Variants in RPSA2 observed in about 807,000 individuals in gnomAD.
RPSA2 encodes the protein ribosomal protein SA 2, also known as small ribosomal subunit protein uS2B.
chr19:23,834,717 CATG>C, the RPSA2 span, among the ~76,000 whole-genome samples: 1 of 151,978 alleles, frequency 6.6e-6, no homozygotes, highest in Non-Finnish European at 1.5e-5. Flanking sequence ...TAAATACTAT[CATG>C]AATCCATTGA....
At chr19:23,773,743 T>A in the RPSA2 span, among the ~76,000 whole-genome samples, 46 of 152,204 alleles carry the variant, frequency 3.0e-4, 1 homozygote, top group Non-Finnish European at 1.2e-4. Context: ...GGTGAGTTGA[T>A]GACACTTAGA....
chr19:23,837,044 T>C, the RPSA2 span, among the ~76,000 whole-genome samples: 1 of 152,194 alleles, frequency 6.6e-6, no homozygotes, highest in Admixed American at 6.5e-5. Flanking sequence ...TTTTTGGTCA[T>C]GAAATTTTGG....
chr19:23,766,222 G>T, the RPSA2 span, among the ~76,000 whole-genome samples: 1 of 142,700 alleles, frequency 7.0e-6, no homozygotes, highest in Admixed American at 7.4e-5. Context: ...GTGCAGTCTC[G>T]GCTCACTACA....
the RPSA2 span, among the ~76,000 whole-genome samples, chr19:23,814,571 T>TA: frequency 1.2e-4 from 19 of 152,340 alleles, no homozygotes; most frequent in East Asian, 3.5e-3. Flanking sequence ...GAGGTCATAA[T>TA]AAAATTTTAA....
At chr19:23,843,628 G>A in the RPSA2 span, among the ~76,000 whole-genome samples, 1 of 152,136 alleles carries the variant, frequency 6.6e-6, no homozygotes, top group Non-Finnish European at 1.5e-5. Context: ...TCATTTGTTA[G>A]GTTTTCTTTT....
the RPSA2 span, among the ~76,000 whole-genome samples, chr19:23,805,148 C>T: frequency 6.7e-3 from 10 of 1,482 alleles, no homozygotes; most frequent in South Asian, 0.056. Flanking sequence ...CACACACACA[C>T]ACACACACAC....
the RPSA2 span, chr19:23,827,205 T>C: frequency 2.1e-6 from 2 of 941,806 alleles, no homozygotes; most frequent in East Asian, 5.1e-5. Flanking sequence ...GAGGAGGATG[T>C]CCTTAAGTTC....
chr19:23,825,884 C>G, the RPSA2 span, among the ~76,000 whole-genome samples: 1 of 152,068 alleles, frequency 6.6e-6, no homozygotes, highest in Non-Finnish European at 1.5e-5. Flanking sequence ...CCACCATGCT[C>G]AGCCCATAAA....
chr19:23,837,768 A>T, the RPSA2 span, among the ~76,000 whole-genome samples: 3 of 152,150 alleles, frequency 2.0e-5, no homozygotes, highest in Non-Finnish European at 4.4e-5. Context: ...GCTGTTGGTG[A>T]ATAGAAGAGC....
At chr19:23,804,319 A>AT in the RPSA2 span, among the ~76,000 whole-genome samples, 5 of 5,880 alleles carry the variant, frequency 8.5e-4, no homozygotes, top group Non-Finnish European at 2.9e-3. Context: ...CTTTTTGGAG[A>AT]CGAGTCTTGC....
chr19:23,795,965 A>G, the RPSA2 span, among the ~76,000 whole-genome samples: 1 of 152,110 alleles, frequency 6.6e-6, no homozygotes, highest in Non-Finnish European at 1.5e-5. Flanking sequence ...GGATTTTGCC[A>G]TGTCAGCCAG....
At chr19:23,764,355 C>G in the RPSA2 span, among the ~76,000 whole-genome samples, 1 of 152,238 alleles carries the variant, frequency 6.6e-6, no homozygotes, top group Admixed American at 6.5e-5. Flanking sequence ...AACTTCCTCT[C>G]TCCAATTTAC....
chr19:23,792,726 G>A, the RPSA2 span, among the ~76,000 whole-genome samples: 14 of 151,758 alleles, frequency 9.2e-5, no homozygotes, highest in Non-Finnish European at 1.6e-4. Flanking sequence ...TGTTGATCAG[G>A]CTAGTCTCAG....
chr19:23,802,989 TA>T, the RPSA2 span, among the ~76,000 whole-genome samples: 1 of 152,290 alleles, frequency 6.6e-6, no homozygotes, highest in South Asian at 2.1e-4. Context: ...AAAACTATTT[TA>T]GAAAACCTTA....
the RPSA2 span, among the ~76,000 whole-genome samples, chr19:23,862,896 CTTT>C: frequency 7.0e-6 from 1 of 142,736 alleles, no homozygotes. Context: ...TTCTTTCTTT[CTTT>C]TTTTTTTTTT....
the RPSA2 span, among the ~76,000 whole-genome samples, chr19:23,804,457 C>A: frequency 1.2e-4 from 1 of 8,590 alleles, no homozygotes; most frequent in Non-Finnish European, 7.5e-4. Flanking sequence ...CCACCACACC[C>A]GGCTAATTTT....
the RPSA2 span, chr19:23,832,553 A>G: frequency 1.1e-6 from 1 of 875,662 alleles, no homozygotes; most frequent in Non-Finnish European, 1.7e-6. Context: ...GAAACCCTAC[A>G]AATGTCAAGA....
chr19:23,857,401 G>T, the RPSA2 span, among the ~76,000 whole-genome samples: 2 of 151,714 alleles, frequency 1.3e-5, no homozygotes, highest in Non-Finnish European at 2.9e-5. Context: ...CGTGGCTCCA[G>T]CCGGTCCCTC....
the RPSA2 span, among the ~76,000 whole-genome samples, chr19:23,781,402 G>A: frequency 5.9e-5 from 9 of 152,214 alleles, no homozygotes; most frequent in African/African-American, 1.2e-4. Context: ...GCAGTGGTGT[G>A]ATCTTGGCTC....
Sources: gnomAD v4.1 joint callset for allele counts (sites outside exome capture counted in the v4.1 genomes callset) on GRCh38, gnomAD v4.1.1 for gene constraint, MANE v1.5 for transcripts, NCBI Gene and HGNC (gene_info 2026-07-23, HGNC 2026-07-21) for gene names.